FBXW8: variants seen among roughly 807,000 people sequenced by gnomAD.
FBXW8 encodes the protein F-box and WD repeat domain containing 8.
In FBXW8, 57 loss-of-function variants were observed where a neutral mutation model predicts 65.3. The observed-to-expected ratio is 0.87, with a 90% CI of 0.71 to 1.09. The LOEUF (loss-of-function observed/expected upper bound fraction) is 1.09. Ranked by LOEUF, FBXW8 falls within the 50% of genes least tolerant of loss-of-function variation. The probability of loss-of-function intolerance (pLI) is 0.00; values close to 1 mark genes in which losing one functional copy is unlikely to be tolerated. For missense variants in FBXW8, 777 were observed against 814.8 expected (o/e 0.95, Z 0.57); for synonymous variants, 308 against 330.2 (o/e 0.93, Z 0.73).
chr12:116,912,621 C>T (rs1315551066), intron 1 of FBXW8, among the ~76,000 whole-genome samples: 6 of 151,944 alleles, frequency 3.9e-5, no homozygotes, highest in Non-Finnish European at 8.8e-5. Flanking sequence ...CCACCACGCC[C>T]GGCTAATTTC....
In FBXW8 at chr12:116,985,299, A is replaced by ACGATG; in HGVS notation, c.931_935dup (p.Thr313MetfsTer13). 1 of 1,614,234 alleles carries ACGATG rather than the reference A, an allele frequency of 6.2e-7. No homozygotes were observed. Among genetic ancestry groups the ACGATG allele is most frequent in the African/African-American group, 1.3e-5 (1 of 75,060 alleles). On this transcript the variant is annotated frameshift_variant, in exon 6 of 11. Coordinates refer to ENST00000652555, the MANE Select transcript of FBXW8 (RefSeq NM_153348.3). LOFTEE classifies it high-confidence loss of function. ...ATACAGGCACTAGCCCTCAGCCAGGACGATGCAACCGTGGCCACAGCTTCT... is the reference window on the plus strand; with the variant it reads ...ATACAGGCACTAGCCCTCAGCCAGGACGATGCGATGCAACCGTGGCCACAGCTTCT...
At chr12:116,938,485 A>T (rs1882313762) in intron 2 of FBXW8, among the ~76,000 whole-genome samples, 1 of 152,178 alleles carries the variant, frequency 6.6e-6, no homozygotes, top group Non-Finnish European at 1.5e-5. Flanking sequence ...TCATCCTGTA[A>T]CCCTGTTGTA....
intron 1 of FBXW8, among the ~76,000 whole-genome samples, chr12:116,914,494 G>A (rs184428547): frequency 1.5e-4 from 23 of 150,546 alleles, no homozygotes; most frequent in African/African-American, 5.1e-4. Context: ...GATTGATTGA[G>A]GCCAGGAGGT....
At chr12:116,915,230 A>C (rs1880310594) in intron 1 of FBXW8, among the ~76,000 whole-genome samples, 1 of 152,222 alleles carries the variant, frequency 6.6e-6, no homozygotes, top group African/African-American at 2.4e-5. Context: ...TGGGTGTTGC[A>C]CATTAGGTCT....
intron 7 of FBXW8, among the ~76,000 whole-genome samples, chr12:116,994,257 G>A (rs1386173402): frequency 6.6e-6 from 1 of 152,184 alleles, no homozygotes; most frequent in Non-Finnish European, 1.5e-5. Context: ...AAGTAGATAT[G>A]TAGTGGTACT....
At chr12:116,949,473 CT>C (rs1185443768) in intron 3 of FBXW8, 144 bp from the exon 4 acceptor site, 1 of 693,292 alleles carries the variant, frequency 1.4e-6, no homozygotes, top group African/African-American at 1.8e-5. Context: ...TCATCTTTGT[CT>C]TTTTGAATGC....
intron 1 of FBXW8, among the ~76,000 whole-genome samples, chr12:116,913,306 A>C (rs192247477): frequency 2.0e-4 from 30 of 152,374 alleles, no homozygotes; most frequent in African/African-American, 4.8e-4. Context: ...GAAGCAAATC[A>C]TGTACAGTTG....
rs773431344 is a variant in FBXW8 at position 117,024,189 on chromosome 12, G to A, written c.1410G>A (p.Ser470=). 9.9e-6 allele frequency: 16 copies of A among 1,613,992 alleles called. No homozygotes were observed. Among genetic ancestry groups the A allele is most frequent in the Middle Eastern group, 1.6e-4 (1 of 6,074 alleles). ...TCCGCAGTGGTAACATCGCCCTGTC[G>A]CTCTCCGCCCATCAGCTCAGGGTCT... The part of the protein sequence containing the change: ...HDLRSGNIAL[S]LSAHQLRVSA... The change falls in exon 9 of 11, where the codon TCG becomes TCA. Residue 470 remains serine (S), a synonymous_variant. Coordinates refer to ENST00000652555, the MANE Select transcript of FBXW8 (RefSeq NM_153348.3).
intron 4 of FBXW8, among the ~76,000 whole-genome samples, chr12:116,952,882 C>T (rs1354100988): frequency 1.3e-5 from 2 of 152,060 alleles, no homozygotes; most frequent in Non-Finnish European, 2.9e-5. Flanking sequence ...GGACTACGGG[C>T]GTGTGCCACC....
intron 7 of FBXW8, among the ~76,000 whole-genome samples, chr12:117,001,703 G>C (rs553554049): frequency 6.6e-6 from 1 of 152,116 alleles, no homozygotes; most frequent in Non-Finnish European, 1.5e-5. Context: ...TGGGGATGAG[G>C]CCTGTTGGGA....
chr12:117,030,716 G>A lies in FBXW8; in HGVS notation c.*2544G>A, dbSNP rs991610601. ...CCTGTTTCTAACGTACCTGCCATTC[G>A]TGGAAGTCGCCTGGGTTTTGTAAAG... On this transcript the variant is annotated 3_prime_UTR_variant, in exon 11 of 11. Coordinates refer to ENST00000652555, the MANE Select transcript of FBXW8 (RefSeq NM_153348.3). The A allele has an allele frequency of 2.6e-5, 4 of 152,096 alleles. No individual in the cohort carries two copies. The highest frequency in any genetic ancestry group is 1.9e-4 in the East Asian group (1 of 5,192). 9.4% of individuals were successfully genotyped at this position (152,096 alleles called of 1,614,324 possible).
chr12:117,010,297 C>T, intron 7 of FBXW8, 26 bp from the exon 8 acceptor site: 1 of 1,614,028 alleles, frequency 6.2e-7, no homozygotes, highest in East Asian at 2.2e-5. Flanking sequence ...GAATTGTGGG[C>T]CCACACATTT....
chr12:116,942,738 C>G (rs1366015840), intron 2 of FBXW8, among the ~76,000 whole-genome samples: 1 of 142,592 alleles, frequency 7.0e-6, no homozygotes, highest in East Asian at 2.1e-4. Context: ...TTTTTTATTT[C>G]AGTTCCTGTA....
At chr12:116,983,347 T>C (rs796347164) in intron 5 of FBXW8, among the ~76,000 whole-genome samples, 42 of 152,352 alleles carry the variant, frequency 2.8e-4, no homozygotes, top group African/African-American at 8.4e-4. Context: ...GGGAATGTGC[T>C]GTGGAACCTT....
chr12:116,925,269 T>A (rs1881232487), intron 1 of FBXW8, among the ~76,000 whole-genome samples: 1 of 151,860 alleles, frequency 6.6e-6, no homozygotes, highest in Non-Finnish European at 1.5e-5. Flanking sequence ...CCTGGGTGAG[T>A]CAGCTTGTTT....
chr12:116,933,291 T>C (rs1454038455), intron 2 of FBXW8, among the ~76,000 whole-genome samples: 1 of 152,248 alleles, frequency 6.6e-6, no homozygotes, highest in East Asian at 1.9e-4. Flanking sequence ...AAATCTTCAT[T>C]CTTGATAGCG....
intron 5 of FBXW8, among the ~76,000 whole-genome samples, chr12:116,969,364 A>G (rs960177981): frequency 2.6e-5 from 4 of 152,278 alleles, no homozygotes; most frequent in South Asian, 2.1e-4. Flanking sequence ...AACAACTTCT[A>G]TTCTTTCCCC....
At chr12:116,948,939 G>A (rs1373355989) in intron 3 of FBXW8, 1 of 152,228 alleles carries the variant, frequency 6.6e-6, no homozygotes, top group African/African-American at 2.4e-5. Context: ...ATTTTTTGCA[G>A]AGATGGGGTC....
chr12:116,994,426 A>C lies in FBXW8; in HGVS notation c.1239+5557A>C, dbSNP rs565697635. Among the ~76,000 whole-genome samples the C allele has an allele frequency of 1.9e-3, 289 of 152,350 alleles. 2 individuals are homozygous for C. Among genetic ancestry groups the C allele is most frequent in the African/African-American group, 6.8e-3 (282 of 41,574 alleles). Reference sequence around the variant, plus strand: ...ACTGGGTAATGCATTCACCTAATTCAGGGATCAAAAGATAGGAAGGAAGGG... The same window carrying C: ...ACTGGGTAATGCATTCACCTAATTCCGGGATCAAAAGATAGGAAGGAAGGG... On this transcript the variant is annotated intron_variant, in intron 7 of 10. Coordinates refer to ENST00000652555, the MANE Select transcript of FBXW8 (RefSeq NM_153348.3).
Sources: allele counts gnomAD v4.1 joint callset (sites outside exome capture counted in the v4.1 genomes callset), GRCh38; gene constraint gnomAD v4.1.1; transcripts MANE v1.5; gene names NCBI Gene and HGNC (gene_info 2026-07-23, HGNC 2026-07-21).